Variants in PEAK1 observed in about 807,000 individuals in gnomAD.
The protein encoded by PEAK1 is pseudopodium enriched atypical kinase 1.
Under a neutral mutation model 124.7 loss-of-function variants are expected in PEAK1, and 54 were observed. The observed-to-expected ratio is 0.43, with a 90% confidence interval of 0.35 to 0.54. The LOEUF (loss-of-function observed/expected upper bound fraction) is 0.54. Ranked by LOEUF, PEAK1 falls within the 20% of genes least tolerant of loss-of-function variation. PEAK1 has a pLI of 0.01. For synonymous variants in PEAK1, 719 were observed against 760.0 expected (o/e 0.95, Z 0.89); for missense variants, 2,046 against 2,134.5 (o/e 0.96, Z 0.82).
intron 8 of PEAK1, among the ~76,000 whole-genome samples, chr15:77,135,366 T>C (rs1192738401): frequency 6.6e-6 from 1 of 152,200 alleles, no homozygotes; most frequent in Non-Finnish European, 1.5e-5. Flanking sequence ...AAGTGTTGCT[T>C]ATGACAGGGA....
chr15:77,192,570 G>T (rs1480488883), intron 6 of PEAK1, among the ~76,000 whole-genome samples: 2 of 152,208 alleles, frequency 1.3e-5, no homozygotes, highest in Non-Finnish European at 2.9e-5. Context: ...CCTGTGGTTT[G>T]TATCACTGGA....
intron 7 of PEAK1, 51 bp downstream of exon 7, chr15:77,178,739 C>T (rs781616238): frequency 6.5e-7 from 1 of 1,544,874 alleles, no homozygotes; most frequent in Non-Finnish European, 8.8e-7. Context: ...AAACTTAGCA[C>T]CTGAAAATGT....
chr15:77,251,660 C>T (rs987749058), intron 6 of PEAK1, among the ~76,000 whole-genome samples: 1 of 152,082 alleles, frequency 6.6e-6, no homozygotes, highest in African/African-American at 2.4e-5. Context: ...GGACTTTACT[C>T]CAGAGGTGGG....
Position 77,284,017 on chromosome 15 carries a change from T to G in PEAK1, c.-409A>C. On this transcript the variant is annotated 5_prime_UTR_variant, in exon 5 of 10. Coordinates refer to ENST00000682557, the MANE Select transcript of PEAK1 (RefSeq NM_001385026.1). ...CACAAAATGGTACTTCATTGAAGGA[T>G]GTAATTAGTCTCACTAAAGCAAGAA... 1 of 985,322 alleles carries G rather than the reference T, an allele frequency of 1.0e-6. No homozygotes were observed. Among genetic ancestry groups the G allele is most frequent in the Non-Finnish European group, 1.2e-6 (1 of 829,816 alleles). 61.0% of individuals were successfully genotyped at this position (985,322 alleles called of 1,614,324 possible).
chr15:77,127,395 A>C (rs528978451), intron 9 of PEAK1, among the ~76,000 whole-genome samples: 1 of 152,360 alleles, frequency 6.6e-6, no homozygotes, highest in Non-Finnish European at 1.5e-5. Flanking sequence ...AAAAGGTAGA[A>C]GCAGCTTTGG....
rs1366177982 is a variant in PEAK1, at chr15:77,226,053, ATATATATATATATAT to A, written c.-115+26299_-115+26313del. ...CAACTGAAAATAAAGGGATATATAT[ATATATATATATATAT>A]ATATATATATATATATATATTACAC... On this transcript the variant is annotated intron_variant, in intron 6 of 9. Coordinates refer to ENST00000682557, the MANE Select transcript of PEAK1 (RefSeq NM_001385026.1). Among the ~76,000 whole-genome samples, 69 of 84,910 alleles carry A rather than the reference ATATATATATATATAT, an allele frequency of 8.1e-4. 3 individuals are homozygous for A. Among genetic ancestry groups the A allele is most frequent in the African/African-American group, 1.4e-3 (31 of 22,322 alleles). 55.7% of individuals were successfully genotyped at this position (84,910 alleles called of 152,430 possible). A position where few individuals can be genotyped will look rare whatever the true frequency, so the allele number is the denominator to read the frequency against.
rs2051216656 is a variant in PEAK1 at position 77,114,859 on chromosome 15, G to A, written c.4538C>T (p.Thr1513Ile). 6.2e-7 allele frequency: 1 copy of A among 1,613,578 alleles called. No individual in the cohort carries two copies. The highest frequency in any genetic ancestry group is 1.3e-5 in the African/African-American group (1 of 74,882). ...GLEHLKPYHV[T>I]HCDLRLENLL... ...GTTCTCTAGGCGTAGATCGCAGTGA[G>A]TGACATGGTAGGGTTTGAGGTGCTC... The change falls in exon 10 of 10, where the codon ACT becomes ATT. Residue 1513 changes from threonine (T) to isoleucine (I), a missense_variant. Transcript: ENST00000682557.
intron 6 of PEAK1, among the ~76,000 whole-genome samples, chr15:77,198,977 A>G (rs2058235265): frequency 6.6e-6 from 1 of 152,192 alleles, no homozygotes. Context: ...CACCAAGGAC[A>G]TTTATTTCAT....
intron 2 of PEAK1, among the ~76,000 whole-genome samples, chr15:77,344,988 CAG>C (rs1304252243): frequency 6.6e-6 from 1 of 152,178 alleles, no homozygotes; most frequent in Non-Finnish European, 1.5e-5. Flanking sequence ...CATCTGCAAA[CAG>C]AGATAATTTT....
chr15:77,404,687 A>G (rs906706397), intron 1 of PEAK1: 133 of 951,052 alleles, frequency 1.4e-4, no homozygotes, highest in Non-Finnish European at 1.6e-4. Context: ...TGCTGTACTA[A>G]TATATTTGGA....
At chr15:77,271,676 C>A (rs995712360) in intron 5 of PEAK1, among the ~76,000 whole-genome samples, 3 of 152,138 alleles carry the variant, frequency 2.0e-5, no homozygotes, top group Non-Finnish European at 4.4e-5. Flanking sequence ...CAAACTATCA[C>A]AAGGACAAAA....
chr15:77,194,106 G>T (rs933108237), intron 6 of PEAK1, among the ~76,000 whole-genome samples: 17 of 152,076 alleles, frequency 1.1e-4, no homozygotes, highest in African/African-American at 4.1e-4. Flanking sequence ...AACAGTAAAT[G>T]GTATCAAAAC....
At chr15:77,173,377 T>C (rs1416545088) in intron 7 of PEAK1, among the ~76,000 whole-genome samples, 1 of 152,198 alleles carries the variant, frequency 6.6e-6, no homozygotes, top group Non-Finnish European at 1.5e-5. Context: ...CAATGTGATG[T>C]TTTGATATAT....
At chr15:77,290,726 A>AT (rs368537109) in intron 2 of PEAK1, among the ~76,000 whole-genome samples, 10 of 151,398 alleles carry the variant, frequency 6.6e-5, no homozygotes, top group Admixed American at 1.3e-4. Flanking sequence ...ATTCTTTTCT[A>AT]TTTTTTTTGT....
At chr15:77,257,297 G>A (rs1170847234) in intron 5 of PEAK1, among the ~76,000 whole-genome samples, 17 of 151,126 alleles carry the variant, frequency 1.1e-4, no homozygotes, top group South Asian at 6.3e-4. Flanking sequence ...CTGAGGAATC[G>A]CCACACTGAC....
At chr15:77,212,614 A>G (rs2058955748) in intron 6 of PEAK1, among the ~76,000 whole-genome samples, 1 of 152,114 alleles carries the variant, frequency 6.6e-6, no homozygotes, top group Admixed American at 6.5e-5. Flanking sequence ...TATTCAATCA[A>G]TTTTCTTTCT....
chr15:77,239,497 T>C (rs755939448), intron 6 of PEAK1, among the ~76,000 whole-genome samples: 2 of 152,194 alleles, frequency 1.3e-5, no homozygotes, highest in African/African-American at 2.4e-5. Flanking sequence ...GTTTACAAAA[T>C]TGTGGTGAGG....
At chr15:77,358,786 G>A (rs1043897475) in intron 2 of PEAK1, among the ~76,000 whole-genome samples, 1 of 152,180 alleles carries the variant, frequency 6.6e-6, no homozygotes. Flanking sequence ...CATGTACAAA[G>A]TAACATATAA....
intron 1 of PEAK1, chr15:77,418,895 A>G: frequency 2.0e-6 from 2 of 985,444 alleles, no homozygotes; most frequent in Non-Finnish European, 2.4e-6. Flanking sequence ...TCCTCAAGGC[A>G]ATCCCAATTC....
Sources: allele counts gnomAD v4.1 joint callset (sites outside exome capture counted in the v4.1 genomes callset), GRCh38; gene constraint gnomAD v4.1.1; transcripts MANE v1.5; gene names NCBI Gene and HGNC (gene_info 2026-07-23, HGNC 2026-07-21).